AKNA: variants seen among roughly 807,000 people sequenced by gnomAD.
AKNA encodes microtubule organization protein AKNA.
A neutral mutation model predicts 138.8 loss-of-function variants in AKNA; 67 were observed. That is an observed-to-expected ratio of 0.48 (90% CI 0.40 to 0.59). The LOEUF is 0.59. AKNA is among the 20% of genes least tolerant of loss of function. AKNA has a pLI of 0.00. For missense variants in AKNA, 1,813 were observed against 1,880.4 expected (o/e 0.96, Z 0.66); for synonymous variants, 737 against 754.4 (o/e 0.98, Z 0.38).
At chr9:114,330,749 C>T (rs17230081), downstream of AKNA, 318,053 of 1,604,962 alleles carry the variant, frequency 0.2, 33,522 homozygotes, top group South Asian at 0.28. Context: ...CACTTCTCCT[C>T]GATAACATTA....
At chr9:114,364,757 G>T (rs1832221771) in intron 6 of AKNA, 138 bp from the exon 7 acceptor site, 3 of 818,104 alleles carry the variant, frequency 3.7e-6, no homozygotes, top group Non-Finnish European at 6.1e-6. Context: ...ATGGAGACGT[G>T]GGTGCTGGGA....
intron 1 of AKNA, among the ~76,000 whole-genome samples, chr9:114,387,480 G>A (rs535333714): frequency 6.6e-6 from 1 of 152,166 alleles, no homozygotes. Context: ...ACCACCCCCC[G>A]GCGCCGTCGC....
intron 21 of AKNA, among the ~76,000 whole-genome samples, chr9:114,338,463 C>T (rs141645551): frequency 6.6e-5 from 10 of 152,372 alleles, no homozygotes; most frequent in African/African-American, 2.4e-4. Flanking sequence ...AACAGTCTGA[C>T]AGTTCCTCCA....
At position 114,347,752 on chromosome 9, in the gene AKNA, G is replaced by T; in HGVS notation, c.3370C>A (p.Pro1124Thr). 1 of 1,539,484 alleles carries T rather than the reference G, an allele frequency of 6.5e-7. No homozygotes were observed. ...CCATAATGGGAGCCCCAGGTGGCTG[G>T]GGAGTCTGCTGGCCGGCCGCGGGTC... ...ARTRGRPADS[P>T]ATWGSHYGSK... The change falls in exon 16 of 22, where the codon CCA (proline) becomes ACA (threonine). Residue 1124 changes from proline to threonine, a missense_variant. Coordinates refer to ENST00000374088, the MANE Select transcript of AKNA (RefSeq NM_001317950.2).
At chr9:114,386,966 A>C in intron 1 of AKNA, among the ~76,000 whole-genome samples, 7 of 150,584 alleles carry the variant, frequency 4.6e-5, no homozygotes, top group East Asian at 2.0e-4. Flanking sequence ...TTCTACCCCC[A>C]CCCACACCCT....
At chr9:114,343,937 G>A (rs1766085) in intron 18 of AKNA, 134 bp from the exon 19 acceptor site, 24,768 of 740,652 alleles carry the variant, frequency 0.033, 2,874 homozygotes, top group African/African-American at 0.3. Flanking sequence ...GTGTGCACAC[G>A]GTGAGTGTGC....
chr9:114,343,896 A>G, intron 18 of AKNA, 93 bp from the exon 19 acceptor site: 1 of 1,158,818 alleles, frequency 8.6e-7, no homozygotes, highest in East Asian at 2.4e-5. Flanking sequence ...CTTCCTCCAA[A>G]TGGTTTTAAT....
At position 114,387,956 on chromosome 9, in the gene AKNA, C is replaced by A. The variant is rs956348946; in HGVS notation, c.-210G>T. The A allele has an allele frequency of 4.5e-6, 2 of 439,886 alleles. No individual in the cohort carries two copies. Among genetic ancestry groups the A allele is most frequent in the Non-Finnish European group, 9.3e-6 (2 of 216,096 alleles). 27.2% of individuals were successfully genotyped at this position (439,886 alleles called of 1,614,324 possible). A position where few individuals can be genotyped will look rare whatever the true frequency, so the allele number is the denominator to read the frequency against. ...CCCAGGGAGCCCCCTGTCTCCATTGCGCCCTGGCCCACCTCCAGGCCGTTC... is the reference window on the plus strand; with the variant it reads ...CCCAGGGAGCCCCCTGTCTCCATTGAGCCCTGGCCCACCTCCAGGCCGTTC... On this transcript the variant is annotated 5_prime_UTR_variant, in exon 1 of 22. Transcript: ENST00000374088.
chr9:114,364,038 A>C (rs1032057892), intron 7 of AKNA, among the ~76,000 whole-genome samples: 2 of 152,052 alleles, frequency 1.3e-5, no homozygotes, highest in African/African-American at 4.8e-5. Flanking sequence ...TTTTTTTAAC[A>C]GGGTTTCCAA....
chr9:114,342,201 T>C (rs546197557), intron 19 of AKNA, 76 bp from the exon 20 acceptor site: 2 of 1,111,136 alleles, frequency 1.8e-6, no homozygotes, highest in Admixed American at 2.8e-5. Context: ...GCAGGCCTTC[T>C]GCAGCACTGA....
chr9:114,385,800 G>T (rs1300219016), intron 1 of AKNA, among the ~76,000 whole-genome samples: 1 of 152,216 alleles, frequency 6.6e-6, no homozygotes, highest in Non-Finnish European at 1.5e-5. Flanking sequence ...CAGTCAGCTA[G>T]TCAGTCAACA....
At chr9:114,338,655 C>T (rs1830144379) in intron 21 of AKNA, among the ~76,000 whole-genome samples, 1 of 152,204 alleles carries the variant, frequency 6.6e-6, no homozygotes, top group Non-Finnish European at 1.5e-5. Flanking sequence ...TGCCCCAAAT[C>T]CCAGTCATTC....
rs1457836809 is a variant in AKNA at position 114,345,988 on chromosome 9, G to A, written c.3536C>T (p.Ser1179Phe). The change falls in exon 18 of 22, where the codon TCC (serine) becomes TTC (phenylalanine). Residue 1179 changes from serine (S) to phenylalanine (F), a missense_variant. Physicochemically the swap from Ser to Phe is radical, Grantham distance 155. Transcript: ENST00000374088. ...GCTCTTCTCAGAGAACAGTGGTAGG[G>A]AGGGCAGCTCAGATTCTGAACCTGG... The part of the protein sequence containing the change: ...LSLSSESELP[S>F]LPLFSEKSKT... The A allele has an allele frequency of 6.2e-7, 1 of 1,614,018 alleles. No homozygotes were observed. The highest frequency in any genetic ancestry group is 8.5e-7 in the Non-Finnish European group (1 of 1,179,972).
At chr9:114,350,466 G>T (rs1831026813) in intron 15 of AKNA, among the ~76,000 whole-genome samples, 1 of 152,230 alleles carries the variant, frequency 6.6e-6, no homozygotes. Flanking sequence ...TAGAAAAAAT[G>T]CACACGAACC....
intron 11 of AKNA, 161 bp from the exon 12 acceptor site, chr9:114,358,328 G>T: frequency 1.1e-6 from 1 of 900,528 alleles, no homozygotes; most frequent in Non-Finnish European, 1.6e-6. Context: ...GTGACCTAGG[G>T]CAAGGCACTT....
At chr9:114,372,059 A>G (rs2147437) in intron 4 of AKNA, among the ~76,000 whole-genome samples, 96,132 of 152,018 alleles carry the variant, frequency 0.63, 31,446 homozygotes, top group African/African-American at 0.82. Flanking sequence ...CAAGCCTGCC[A>G]TGTACTGTTC....
chr9:114,346,590 T>C (rs1830702844), intron 17 of AKNA, 79 bp downstream of exon 17: 2 of 1,126,940 alleles, frequency 1.8e-6, no homozygotes, highest in Admixed American at 2.4e-5. Context: ...TTGAATACTG[T>C]TGCTGTGGTC....
chr9:114,332,375 T>C (rs1829869351), downstream of AKNA, among the ~76,000 whole-genome samples: 1 of 152,144 alleles, frequency 6.6e-6, no homozygotes. Context: ...TCCCGATTTT[T>C]GCTACAAATG....
At chr9:114,382,227 T>C (rs2787327) in intron 1 of AKNA, among the ~76,000 whole-genome samples, 9,640 of 152,190 alleles carry the variant, frequency 0.063, 1,044 homozygotes, top group African/African-American at 0.22. Context: ...TAGAAGCCGG[T>C]TCCTCCAAGA....
Sources: allele counts gnomAD v4.1 joint callset (sites outside exome capture counted in the v4.1 genomes callset), GRCh38; gene constraint gnomAD v4.1.1; transcripts MANE v1.5; gene names NCBI Gene and HGNC (gene_info 2026-07-23, HGNC 2026-07-21).